Variants in ABCA13 observed in about 807,000 individuals in gnomAD.
ABCA13 encodes the protein ATP binding cassette subfamily A member 13.
A neutral mutation model predicts 478.7 loss-of-function variants in ABCA13; 476 were observed. That is an observed-to-expected ratio of 0.99 (90% CI 0.92 to 1.07). The LOEUF is 1.07. Among genes scored for constraint, ABCA13 ranks in the 50% least tolerant of loss-of-function variants. The pLI is 0.00. For synonymous variants in ABCA13, 2,252 were observed against 2,158.9 expected (o/e 1.04, Z -1.20); for missense variants, 6,060 against 5,910.6 (o/e 1.03, Z -0.83).
intron 8 of ABCA13, among the ~76,000 whole-genome samples, chr7:48,238,748 G>A (rs899460446): frequency 3.3e-5 from 5 of 152,196 alleles, no homozygotes; most frequent in Non-Finnish European, 5.9e-5. Flanking sequence ...GATTACAGGC[G>A]TGAGCCACCG....
In ABCA13 at chr7:48,198,327, T is replaced by A. The variant is rs1159678008; in HGVS notation, c.254T>A (p.Phe85Tyr). 2 of 1,613,746 alleles carry A rather than the reference T, an allele frequency of 1.2e-6. No homozygotes were observed. Among genetic ancestry groups the A allele is most frequent in the Non-Finnish European group, 1.7e-6 (2 of 1,179,856 alleles). ...AACACTGGATCAAGGTGTAGGAACT[T>A]CAGCTATGAAGGGTCAATGGAGCAT... Reference protein sequence around the residue: ...LCNTGSRCRNFSYEGSMEHHF... With the variant: ...LCNTGSRCRNYSYEGSMEHHF... Residue 85 changes from phenylalanine to tyrosine, a missense_variant, in exon 3 of 62, where the codon TTC becomes TAC. By Grantham distance (22) the Phe-to-Tyr change is conservative (BLOSUM62 3). Coordinates refer to ENST00000435803, the MANE Select transcript of ABCA13 (RefSeq NM_152701.5).
chr7:48,340,421 A>G (rs1349472916), intron 29 of ABCA13, among the ~76,000 whole-genome samples: 5 of 152,192 alleles, frequency 3.3e-5, no homozygotes, highest in Non-Finnish European at 7.3e-5. Flanking sequence ...ATATAACTTT[A>G]AAAAATAACT....
At chr7:48,604,242 G>A (rs903851306) in intron 58 of ABCA13, among the ~76,000 whole-genome samples, 1 of 151,974 alleles carries the variant, frequency 6.6e-6, no homozygotes, top group African/African-American at 2.4e-5. Context: ...CAGTTCTGCT[G>A]TGATCTTAGT....
At chr7:48,225,148 C>T (rs990748395) in intron 5 of ABCA13, among the ~76,000 whole-genome samples, 1 of 141,572 alleles carries the variant, frequency 7.1e-6, no homozygotes, top group African/African-American at 2.6e-5. Flanking sequence ...TTCCTTCCTT[C>T]CTTCCTTCCT....
chr7:48,552,593 C>CTT lies in ABCA13; in HGVS notation c.14354+24259_14354+24260dup, dbSNP rs397800820. On this transcript the variant is annotated intron_variant, in intron 55 of 61. Transcript: ENST00000435803. ...GAGCATTGTTCCTCACCTTTGTTGC[C>CTT]TTTTTTTTTTTTAGAAAAAAATATG... Among the ~76,000 whole-genome samples, 29 of 134,260 alleles carry CTT rather than the reference C, an allele frequency of 2.2e-4. 1 individual carries two copies. The highest frequency in any genetic ancestry group is 4.6e-4 in the African/African-American group (17 of 37,280). 88.1% of individuals were successfully genotyped at this position (134,260 alleles called of 152,430 possible).
chr7:48,417,631 A>G (rs1204374676), intron 41 of ABCA13, among the ~76,000 whole-genome samples: 1 of 152,106 alleles, frequency 6.6e-6, no homozygotes, highest in Non-Finnish European at 1.5e-5. Context: ...CTCCTCCACT[A>G]TCAACATCCC....
chr7:48,440,299 T>C (rs1333571533), intron 42 of ABCA13, among the ~76,000 whole-genome samples: 3 of 152,132 alleles, frequency 2.0e-5, no homozygotes, highest in Non-Finnish European at 2.9e-5. Context: ...ACAAGGGTAA[T>C]TGAATTACTT....
intron 27 of ABCA13, among the ~76,000 whole-genome samples, chr7:48,334,174 C>T (rs1446744019): frequency 1.3e-4 from 20 of 152,096 alleles, no homozygotes; most frequent in Non-Finnish European, 2.9e-5. Context: ...TTTTACAGAT[C>T]TTCTACATGT....
intron 48 of ABCA13, among the ~76,000 whole-genome samples, chr7:48,497,237 G>A (rs1042375991): frequency 6.6e-6 from 1 of 151,816 alleles, no homozygotes; most frequent in Non-Finnish European, 1.5e-5. Flanking sequence ...TGTCCAGTGG[G>A]TTTTAATTTC....
chr7:48,321,800 G>A lies in ABCA13; in HGVS notation c.9999+4504G>A, dbSNP rs188052579. On this transcript the variant is annotated intron_variant, in intron 27 of 61. Transcript: ENST00000435803. ...GAAGGAAGCAGCAAGGGAGAAGGCA[G>A]TGCCAGACCCCAAGGTTCCAGGTAA... 1.9e-3 allele frequency among the ~76,000 whole-genome samples: 291 copies of A among 152,300 alleles called. 1 individual carries two copies. The highest frequency in any genetic ancestry group is 6.5e-3 in the African/African-American group (269 of 41,578).
intron 29 of ABCA13, among the ~76,000 whole-genome samples, chr7:48,342,279 G>A (rs1300164313): frequency 6.6e-6 from 1 of 151,930 alleles, no homozygotes; most frequent in Non-Finnish European, 1.5e-5. Context: ...TGCATTGTTG[G>A]GTGCCGTCTT....
At chr7:48,238,602 G>A (rs1018408887) in intron 8 of ABCA13, among the ~76,000 whole-genome samples, 5 of 151,964 alleles carry the variant, frequency 3.3e-5, no homozygotes, top group African/African-American at 1.2e-4. Context: ...CTGAGTAGCT[G>A]GGACTACAGG....
At chr7:48,255,210 G>A (rs564731916) in intron 15 of ABCA13, among the ~76,000 whole-genome samples, 1 of 152,128 alleles carries the variant, frequency 6.6e-6, no homozygotes, top group African/African-American at 2.4e-5. Flanking sequence ...GTTCAGCCTT[G>A]AGAAGCTTTC....
At chr7:48,614,588 A>C (rs1792362599) in intron 58 of ABCA13, among the ~76,000 whole-genome samples, 1 of 151,042 alleles carries the variant, frequency 6.6e-6, no homozygotes, top group Non-Finnish European at 1.5e-5. Context: ...ATGCACACGT[A>C]TGTTTATTGT....
intron 38 of ABCA13, among the ~76,000 whole-genome samples, chr7:48,397,060 T>A (rs188408706): frequency 6.6e-6 from 1 of 152,334 alleles, no homozygotes; most frequent in Admixed American, 6.5e-5. Flanking sequence ...TTATTTTAAA[T>A]TTGCTTACCT....
intron 20 of ABCA13, among the ~76,000 whole-genome samples, chr7:48,291,767 A>T (rs936106611): frequency 6.6e-6 from 1 of 152,140 alleles, no homozygotes; most frequent in Non-Finnish European, 1.5e-5. Flanking sequence ...TGCGGCTAAC[A>T]TAGACAGCAG....
chr7:48,459,962 G>A (rs887083591), intron 43 of ABCA13, among the ~76,000 whole-genome samples: 2 of 152,076 alleles, frequency 1.3e-5, no homozygotes, highest in Admixed American at 6.5e-5. Context: ...AGAAAAACCC[G>A]TGAGCCCTCC....
At chr7:48,329,138 G>A (rs1383722247) in intron 27 of ABCA13, among the ~76,000 whole-genome samples, 3 of 152,176 alleles carry the variant, frequency 2.0e-5, no homozygotes, top group African/African-American at 7.2e-5. Context: ...AAGAAAGAAC[G>A]TGGATAGTAT....
intron 33 of ABCA13, among the ~76,000 whole-genome samples, chr7:48,373,375 G>C (rs1812959684): frequency 6.6e-6 from 1 of 152,164 alleles, no homozygotes; most frequent in African/African-American, 2.4e-5. Context: ...TGCTCATTTA[G>C]GGCCTAGAGT....
Sources: gnomAD v4.1 joint callset for allele counts (sites outside exome capture counted in the v4.1 genomes callset) on GRCh38, gnomAD v4.1.1 for gene constraint, MANE v1.5 for transcripts, NCBI Gene and HGNC (gene_info 2026-07-23, HGNC 2026-07-21) for gene names.